CUL2: variants seen among roughly 807,000 people sequenced by gnomAD.
CUL2 encodes the protein cullin-2.
Under a neutral mutation model 110.2 loss-of-function variants are expected in CUL2, and 22 were observed. That is an observed-to-expected ratio of 0.20 (90% CI 0.14 to 0.28). The LOEUF (loss-of-function observed/expected upper bound fraction) is 0.28. Among genes scored for constraint, CUL2 ranks in the 10% least tolerant of loss-of-function variants. The probability of loss-of-function intolerance (pLI) is 1.00; values close to 1 mark genes in which losing one functional copy is unlikely to be tolerated. For missense variants in CUL2, 631 were observed against 905.5 expected, an observed-to-expected ratio of 0.70 and a Z score of 3.89; for synonymous variants, 279 against 293.2, an observed-to-expected ratio of 0.95 and a Z score of 0.49.
chr10:35,071,532 G>A (rs2086678886), intron 1 of CUL2, among the ~76,000 whole-genome samples, 193 bp from the exon 2 acceptor site: 1 of 152,190 alleles, frequency 6.6e-6, no homozygotes, highest in Non-Finnish European at 1.5e-5. Flanking sequence ...AGTCTCCCAA[G>A]TAGCTGGGAC....
intron 1 of CUL2, among the ~76,000 whole-genome samples, chr10:35,104,003 G>A (rs898871583): frequency 6.6e-6 from 1 of 151,740 alleles, no homozygotes; most frequent in African/African-American, 2.4e-5. Context: ...TGAAATTTAA[G>A]CTTCTTTAGC....
At chr10:35,049,434 T>G (rs1588999355) in intron 6 of CUL2, among the ~76,000 whole-genome samples, 2 of 151,888 alleles carry the variant, frequency 1.3e-5, no homozygotes, top group South Asian at 4.2e-4. Flanking sequence ...GATACTTATT[T>G]ATATACTAAG....
At chr10:35,075,832 T>C (rs187677112) in intron 1 of CUL2, among the ~76,000 whole-genome samples, 5 of 152,320 alleles carry the variant, frequency 3.3e-5, no homozygotes, top group Admixed American at 2.0e-4. Context: ...CACAGCATAA[T>C]TTCTAAATAT....
chr10:35,086,635 G>A (rs1273871238), intron 1 of CUL2, among the ~76,000 whole-genome samples: 6 of 151,668 alleles, frequency 4.0e-5, no homozygotes, highest in Admixed American at 6.6e-5. Context: ...AAAACTTAAC[G>A]AGACCAGCCT....
At chr10:35,101,517 T>C (rs2087377022) in intron 1 of CUL2, among the ~76,000 whole-genome samples, 1 of 152,198 alleles carries the variant, frequency 6.6e-6, no homozygotes, top group Non-Finnish European at 1.5e-5. Context: ...AAGACTTAAG[T>C]GATGGAAGTG....
rs182221923 is a variant in CUL2 at position 35,077,748 on chromosome 10, C to T, written c.-22-6409G>A. Among the ~76,000 whole-genome samples, 503 of 148,150 alleles carry T rather than the reference C, an allele frequency of 3.4e-3. 3 individuals carry two copies. The highest frequency in any genetic ancestry group is 0.012 in the African/African-American group (482 of 40,266). On this transcript the variant is annotated intron_variant, in intron 1 of 20. Coordinates refer to ENST00000374749, the MANE Select transcript of CUL2 (RefSeq NM_003591.4). ...AGGAGAATCGCTTGAACCCAGGAGG[C>T]GGGGGTTGCGGTGAGTCGAGATCGT...
At chr10:35,074,208 A>G in intron 1 of CUL2, 1 of 1,535,454 alleles carries the variant, frequency 6.5e-7, no homozygotes, top group Non-Finnish European at 8.7e-7. Context: ...CAAAAAGTTG[A>G]CCATGTTACT....
At chr10:35,062,135 T>G (rs1589019969) in intron 3 of CUL2, among the ~76,000 whole-genome samples, 1 of 152,160 alleles carries the variant, frequency 6.6e-6, no homozygotes, top group East Asian at 1.9e-4. Flanking sequence ...ATCAGTAGTC[T>G]AAATTAAGTT....
chr10:35,107,037 T>C (rs1250520284), intron 1 of CUL2, among the ~76,000 whole-genome samples: 3 of 152,008 alleles, frequency 2.0e-5, no homozygotes, highest in Admixed American at 6.6e-5. Flanking sequence ...TGCAGTGGCA[T>C]GATCTCAGCT....
chr10:35,087,841 T>C (rs4934719), intron 1 of CUL2, among the ~76,000 whole-genome samples: 44,488 of 151,814 alleles, frequency 0.29, 7,047 homozygotes, highest in South Asian at 0.35. Flanking sequence ...ATCAGACCTC[T>C]CAGTTTAGAA....
At chr10:35,106,137 T>C (rs2087452102) in intron 1 of CUL2, among the ~76,000 whole-genome samples, 1 of 152,172 alleles carries the variant, frequency 6.6e-6, no homozygotes, top group Non-Finnish European at 1.5e-5. Flanking sequence ...GGAGGTCTTC[T>C]GAATGGGATT....
intron 17 of CUL2, among the ~76,000 whole-genome samples, chr10:35,022,681 AG>A (rs912716640): frequency 6.6e-6 from 1 of 151,360 alleles, no homozygotes; most frequent in African/African-American, 2.5e-5. Context: ...AGTTTCAGTT[AG>A]GACCAGTAAG....
chr10:35,058,588 G>T (rs986427472), intron 4 of CUL2, among the ~76,000 whole-genome samples: 3 of 152,112 alleles, frequency 2.0e-5, no homozygotes, highest in African/African-American at 7.2e-5. Flanking sequence ...CAGAGCAAAG[G>T]CAAGATGAGA....
intron 2 of CUL2, chr10:35,097,960 A>G (rs1589060378): frequency 6.8e-6 from 1 of 147,742 alleles, no homozygotes; most frequent in East Asian, 1.9e-4. Flanking sequence ...CTCTGACTCA[A>G]AAAAATTAAT....
intron 1 of CUL2, chr10:35,118,817 T>C (rs1170068777): frequency 2.0e-5 from 3 of 152,236 alleles, no homozygotes; most frequent in African/African-American, 7.2e-5. Context: ...AAAAGGTATA[T>C]CTCATGTCAA....
At chr10:35,073,942 C>T (rs2086750020) in intron 1 of CUL2, 1 of 677,028 alleles carries the variant, frequency 1.5e-6, no homozygotes, top group South Asian at 1.6e-5. Flanking sequence ...AACTGAGTCA[C>T]AAGTGATTCA....
Position 35,054,523 on chromosome 10 carries a change from A to C in CUL2, c.334T>G (p.Phe112Val). ...DCLYRYLNTQ[F>V]IKKNKLTEAD... ...TCTGTTAATTTATTCTTTTTAATAA[A>C]CTGGGTGTTGAGATACCTGGAAAAT... Residue 112 changes from phenylalanine to valine, a missense_variant, in exon 5 of 21, where the codon TTT becomes GTT. This residue lies in a region of CUL2 where 338 missense variants were observed against 442.5 expected (regional missense o/e 0.76). Transcript: ENST00000374749. 6.3e-7 allele frequency: 1 copy of C among 1,589,038 alleles called. No individual in the cohort carries two copies. Among genetic ancestry groups the C allele is most frequent in the South Asian group, 1.1e-5 (1 of 87,262 alleles).
rs578179066 is a variant in CUL2 at position 35,079,279 on chromosome 10, A to G, written c.-22-7940T>C. 9.2e-5 allele frequency among the ~76,000 whole-genome samples: 14 copies of G among 152,342 alleles called. No individual in the cohort carries two copies. In the South Asian group the frequency reaches 2.7e-3, roughly 29 times the overall value. On this transcript the variant is annotated intron_variant, in intron 1 of 20. Transcript: ENST00000374749. ...TTCTTGTGAAGGTGTGAGACAATAC[A>G]ATGCCTATGTAATGAGATGAAGTGA...
In CUL2 at chr10:35,066,903, A is replaced by G. The variant is rs186581934; in HGVS notation, c.120-3841T>C. On this transcript the variant is annotated intron_variant, in intron 2 of 20. Transcript: ENST00000374749. ...AGACCTTCTTCTTCTAACACTTGTG[A>G]AAAGTGTCAAGGATACAGGTACTTG... is the stretch of plus-strand genomic sequence containing the variant. Among the ~76,000 whole-genome samples, 223 of 152,330 alleles carry G rather than the reference A, an allele frequency of 1.5e-3. 2 individuals are homozygous for G. The highest frequency in any genetic ancestry group is 2.7e-3 in the Non-Finnish European group (183 of 68,036).
Sources: allele counts gnomAD v4.1 joint callset (sites outside exome capture counted in the v4.1 genomes callset), GRCh38; gene constraint gnomAD v4.1.1; regional missense constraint gnomAD v4.1.1; transcripts MANE v1.5; gene names NCBI Gene and HGNC (gene_info 2026-07-23, HGNC 2026-07-21).